Variants in CCDC60 observed in about 807,000 individuals in gnomAD.
The protein encoded by CCDC60 is coiled-coil domain containing 60.
In CCDC60, 54 loss-of-function variants were observed where a neutral mutation model predicts 63.5. That is an observed-to-expected ratio of 0.85 (90% CI 0.68 to 1.07). The LOEUF is 1.07. Ranked by LOEUF, CCDC60 falls within the 50% of genes least tolerant of loss-of-function variation. The pLI is 0.00. For missense variants in CCDC60, 651 were observed against 684.3 expected (o/e 0.95, Z 0.54); for synonymous variants, 206 against 238.8 (o/e 0.86, Z 1.27).
rs111911484 is a variant in CCDC60, at chr12:119,478,900, C to T, written c.342-194C>T. On this transcript the variant is annotated intron_variant, in intron 3 of 13. Coordinates refer to ENST00000327554, the MANE Select transcript of CCDC60 (RefSeq NM_178499.5). ...GATTACAGGCATGAGCCACGGCACCCGACCGAGGGCAGGGACTTTTATATG... is the reference window on the plus strand; with the variant it reads ...GATTACAGGCATGAGCCACGGCACCTGACCGAGGGCAGGGACTTTTATATG... 4.0e-3 allele frequency among the ~76,000 whole-genome samples: 608 copies of T among 152,254 alleles called. 6 individuals are homozygous for T. Among genetic ancestry groups the T allele is most frequent in the African/African-American group, 0.013 (526 of 41,554 alleles).
intron 11 of CCDC60, 47 bp from the exon 12 acceptor site, chr12:119,528,568 G>A: frequency 1.3e-6 from 2 of 1,588,086 alleles, no homozygotes; most frequent in Non-Finnish European, 1.7e-6. Context: ...ATGGTTACAG[G>A]AGGAGGGGAT....
intron 4 of CCDC60, among the ~76,000 whole-genome samples, chr12:119,487,554 C>T (rs1049230252): frequency 3.3e-5 from 5 of 152,120 alleles, no homozygotes; most frequent in African/African-American, 4.8e-5. Flanking sequence ...GCCTCAGCTT[C>T]CCAAAGTGCT....
intron 1 of CCDC60, among the ~76,000 whole-genome samples, chr12:119,413,750 C>T (rs1400110142): frequency 1.3e-5 from 2 of 152,096 alleles, no homozygotes; most frequent in Non-Finnish European, 2.9e-5. Context: ...CTCCTGAATC[C>T]GTCCCTTGTC....
intron 7 of CCDC60, among the ~76,000 whole-genome samples, chr12:119,510,879 C>T (rs1308184274): frequency 2.6e-5 from 4 of 152,228 alleles, no homozygotes; most frequent in Non-Finnish European, 5.9e-5. Flanking sequence ...CTACTAAAAT[C>T]TCATTGCCCA....
At chr12:119,431,251 G>A (rs1334097052) in intron 2 of CCDC60, among the ~76,000 whole-genome samples, 3 of 152,316 alleles carry the variant, frequency 2.0e-5, no homozygotes, top group Non-Finnish European at 2.9e-5. Flanking sequence ...CAGTATCCCC[G>A]AGCATAAGGG....
chr12:119,408,762 TTGCAGTGAGCCGAGATCAGGCCAC>T (rs575348858), intron 1 of CCDC60, among the ~76,000 whole-genome samples: 58 of 152,166 alleles, frequency 3.8e-4, no homozygotes, highest in Middle Eastern at 3.4e-3. Context: ...GAGGCAGAGC[TTGCAGTGAGCCGAGATCAGGCCAC>T]TGCACTCCAG....
intron 1 of CCDC60, among the ~76,000 whole-genome samples, chr12:119,416,693 G>A (rs1956705213): frequency 6.6e-6 from 1 of 152,172 alleles, no homozygotes; most frequent in African/African-American, 2.4e-5. Flanking sequence ...CAGGACTGAA[G>A]AACAGATAAA....
chr12:119,348,830 C>T (rs1188386692), intron 1 of CCDC60, among the ~76,000 whole-genome samples: 1 of 152,124 alleles, frequency 6.6e-6, no homozygotes, highest in Non-Finnish European at 1.5e-5. Flanking sequence ...CAAGGTCGTC[C>T]TGGAGGTATA....
chr12:119,507,101 G>A (rs1012686862), intron 7 of CCDC60, among the ~76,000 whole-genome samples: 6 of 152,088 alleles, frequency 3.9e-5, no homozygotes, highest in Admixed American at 1.3e-4. Context: ...AATGCCTGTG[G>A]CAGCCGAGGC....
intron 1 of CCDC60, among the ~76,000 whole-genome samples, chr12:119,424,826 G>A (rs10774498): frequency 0.89 from 135,466 of 152,210 alleles, 60,671 homozygotes; most frequent in East Asian, 1. Flanking sequence ...TACTTTGACA[G>A]AAATGGTTTC....
rs60009617 is a variant in CCDC60 at position 119,337,824 on chromosome 12, TTGTGTGTGTGTG to T, written c.90+2588_90+2599del. 7.2e-3 allele frequency among the ~76,000 whole-genome samples: 1,007 copies of T among 140,648 alleles called. 7 individuals carry two copies. The highest frequency in any genetic ancestry group is 0.014 in the African/African-American group (548 of 38,162). 92.3% of individuals were successfully genotyped at this position (140,648 alleles called of 152,430 possible). On this transcript the variant is annotated intron_variant, in intron 1 of 13. Transcript: ENST00000327554. ...GATTCACGCATGTGTGTGTGTGTAT[TTGTGTGTGTGTG>T]TGTGTGTGTGTGTGTGTGTGTGTGT...
rs1566019597 is a variant in CCDC60, at chr12:119,456,056, A to AAGCAAGCAAGC, written c.171-15937_171-15936insGCAAGCAAGCA. Among the ~76,000 whole-genome samples, 251 of 96,868 alleles carry AAGCAAGCAAGC rather than the reference A, an allele frequency of 2.6e-3. 7 individuals carry two copies. The highest frequency in any genetic ancestry group is 0.026 in the East Asian group (55 of 2,124). 63.5% of individuals were successfully genotyped at this position (96,868 alleles called of 152,430 possible). A position where few individuals can be genotyped will look rare whatever the true frequency, so the allele number is the denominator to read the frequency against. ...GAAAGAAAGAAAGAAAGAAAGAAAG[A>AAGCAAGCAAGC]AAGAAAGCAAGCAAGCATGTGCAAT... is the stretch of plus-strand genomic sequence containing the variant. On this transcript the variant is annotated intron_variant, in intron 2 of 13. Coordinates refer to ENST00000327554, the MANE Select transcript of CCDC60 (RefSeq NM_178499.5). This position sits in a 1 kb window ranked among gnomAD's most constrained non-coding sequence, Gnocchi z 4.6.
At chr12:119,532,476 T>C (rs1036139946) in intron 13 of CCDC60, among the ~76,000 whole-genome samples, 1 of 151,296 alleles carries the variant, frequency 6.6e-6, no homozygotes, top group African/African-American at 2.4e-5. Context: ...AACGTGAAGG[T>C]TTGTTACATA....
chr12:119,442,818 AC>A (rs1396740276), intron 2 of CCDC60, among the ~76,000 whole-genome samples: 1 of 152,256 alleles, frequency 6.6e-6, no homozygotes, highest in African/African-American at 2.4e-5. Context: ...GTCTAAATTT[AC>A]ACGGTGCTTC....
chr12:119,353,724 C>T (rs1242210430), intron 1 of CCDC60, among the ~76,000 whole-genome samples: 1 of 150,768 alleles, frequency 6.6e-6, no homozygotes, highest in Non-Finnish European at 1.5e-5. Flanking sequence ...TCTCCTGCCT[C>T]AGCCTCCCAA....
At chr12:119,517,622 A>G (rs1952388731) in intron 8 of CCDC60, among the ~76,000 whole-genome samples, 1 of 152,138 alleles carries the variant, frequency 6.6e-6, no homozygotes, top group African/African-American at 2.4e-5. Context: ...GGTGGGGAAG[A>G]GAGTATTATA....
At chr12:119,449,244 G>A (rs192900697) in intron 2 of CCDC60, among the ~76,000 whole-genome samples, 40 of 150,644 alleles carry the variant, frequency 2.7e-4, no homozygotes, top group African/African-American at 9.2e-4. Context: ...CTTCCCTTTG[G>A]GGGGTTTAAA....
intron 1 of CCDC60, among the ~76,000 whole-genome samples, chr12:119,418,676 A>T (rs1280031820): frequency 6.6e-6 from 1 of 151,648 alleles, no homozygotes; most frequent in Non-Finnish European, 1.5e-5. Context: ...CAACCTCCCA[A>T]AGTGCTGGGA....
intron 1 of CCDC60, among the ~76,000 whole-genome samples, chr12:119,426,559 A>T (rs886414836): frequency 6.6e-6 from 1 of 151,850 alleles, no homozygotes; most frequent in African/African-American, 2.4e-5. Flanking sequence ...GGGTTTTGTC[A>T]TGTTGCCCTG....
Sources: gnomAD v4.1 joint callset for allele counts (sites outside exome capture counted in the v4.1 genomes callset) on GRCh38, gnomAD v4.1.1 for gene constraint, Gnocchi (gnomAD v3.1) non-coding constraint, MANE v1.5 for transcripts, NCBI Gene and HGNC (gene_info 2026-07-23, HGNC 2026-07-21) for gene names.